The following EPHA6 variants were observed in gnomAD, a reference collection of about 807,000 sequenced individuals.
EPHA6 encodes the protein ephrin type-A receptor 6.
Under a neutral mutation model 112.0 loss-of-function variants are expected in EPHA6, and 50 were observed. That is an observed-to-expected ratio of 0.45 (90% confidence interval 0.36 to 0.56). EPHA6 has a LOEUF of 0.56. Among genes scored for constraint, EPHA6 ranks in the 20% least tolerant of loss-of-function variants. EPHA6 has a pLI of 0.00. For missense variants in EPHA6, 1,280 were observed against 1,417.4 expected, an observed-to-expected ratio of 0.90 and a Z score of 1.56; for synonymous variants, 529 against 490.7, an observed-to-expected ratio of 1.08 and a Z score of -1.03.
intron 5 of EPHA6, among the ~76,000 whole-genome samples, chr3:97,296,191 A>G (rs1440628068): frequency 6.6e-6 from 1 of 152,098 alleles, no homozygotes; most frequent in Non-Finnish European, 1.5e-5. Flanking sequence ...GCCGGTCCCC[A>G]GACCCCCAGG....
intron 14 of EPHA6, among the ~76,000 whole-genome samples, chr3:97,719,995 T>C (rs2034453930): frequency 6.6e-6 from 1 of 152,208 alleles, no homozygotes; most frequent in Non-Finnish European, 1.5e-5. Flanking sequence ...TGTGTGAATC[T>C]AAAGTAAAAA....
At chr3:96,996,441 A>G (rs544156644) in intron 3 of EPHA6, among the ~76,000 whole-genome samples, 29 of 152,094 alleles carry the variant, frequency 1.9e-4, no homozygotes, top group Non-Finnish European at 4.0e-4. Flanking sequence ...TGGAGGAATC[A>G]CTATGGCAGC....
Position 97,641,232 on chromosome 3 carries a change from C to T in EPHA6, c.2784+3150C>T, listed in dbSNP as rs1294665182. Among the ~76,000 whole-genome samples the T allele has an allele frequency of 2.6e-5, 4 of 152,140 alleles. No individual in the cohort carries two copies. In the East Asian group the frequency reaches 7.7e-4, roughly 29 times the overall value. ...CAAAGGCAAGATAATGCCAAATGAT[C>T]ATTGGCATTCTGTCAAAACTTTGTT... On this transcript the variant is annotated intron_variant, in intron 14 of 17. Coordinates refer to ENST00000389672, the MANE Select transcript of EPHA6 (RefSeq NM_001080448.3).
At chr3:97,267,885 G>A (rs2079739848) in intron 5 of EPHA6, among the ~76,000 whole-genome samples, 1 of 152,064 alleles carries the variant, frequency 6.6e-6, no homozygotes, top group Non-Finnish European at 1.5e-5. Context: ...ATAAAGATGA[G>A]TAACCTTCTA....
intron 2 of EPHA6, among the ~76,000 whole-genome samples, chr3:96,950,819 C>T (rs887775957): frequency 1.3e-5 from 2 of 151,934 alleles, no homozygotes; most frequent in Non-Finnish European, 2.9e-5. Flanking sequence ...CAGTTTTTTA[C>T]TAGTGTCTAT....
chr3:97,065,184 A>C (rs1385418503), intron 3 of EPHA6, among the ~76,000 whole-genome samples: 2 of 152,176 alleles, frequency 1.3e-5, no homozygotes, highest in African/African-American at 4.8e-5. Flanking sequence ...TCATAAAGCT[A>C]TAAAATTATT....
chr3:97,265,366 C>T (rs2079640134), intron 5 of EPHA6, among the ~76,000 whole-genome samples: 1 of 152,174 alleles, frequency 6.6e-6, no homozygotes, highest in Admixed American at 6.5e-5. Flanking sequence ...GCTGCTGTCA[C>T]CACCCCCAAC....
At chr3:97,316,472 G>A (rs906715321) in intron 5 of EPHA6, among the ~76,000 whole-genome samples, 4 of 151,966 alleles carry the variant, frequency 2.6e-5, no homozygotes, top group African/African-American at 9.6e-5. Context: ...CATCTTTCCA[G>A]GGATTGCTGC....
In EPHA6 at chr3:97,417,547, C is replaced by T. The variant is rs545892298; in HGVS notation, c.1731+12273C>T. Among the ~76,000 whole-genome samples the T allele has an allele frequency of 8.6e-5, 13 of 151,998 alleles. No individual in the cohort carries two copies. The South Asian group carries it at 2.7e-3, about 32-fold the overall frequency. On this transcript the variant is annotated intron_variant, in intron 6 of 17. Transcript: ENST00000389672. ...AGTAGGTAGGTATGTGTAAAGCATACTCTTGATGGTAATTTTGTTTTTACA... is the reference window on the plus strand; with the variant it reads ...AGTAGGTAGGTATGTGTAAAGCATATTCTTGATGGTAATTTTGTTTTTACA...
chr3:96,993,803 A>G (rs573212129), intron 3 of EPHA6, among the ~76,000 whole-genome samples: 30 of 152,262 alleles, frequency 2.0e-4, no homozygotes, highest in African/African-American at 6.7e-4. Flanking sequence ...TTGCTTTTAG[A>G]GATGATAAAC....
rs149991542 is a variant in EPHA6 at position 97,534,172 on chromosome 3, G to A, written c.2386+1629G>A. 2.1e-3 allele frequency among the ~76,000 whole-genome samples: 321 copies of A among 152,218 alleles called. 2 individuals carry two copies. Among genetic ancestry groups the A allele is most frequent in the African/African-American group, 7.3e-3 (302 of 41,548 alleles). Reference sequence around the variant, plus strand: ...ATCTGTAAAATGGGACAGGAATGCTGTAAGAATTAAATTTGTCAATGTGTA... The same window carrying A: ...ATCTGTAAAATGGGACAGGAATGCTATAAGAATTAAATTTGTCAATGTGTA... On this transcript the variant is annotated intron_variant, in intron 11 of 17. Transcript: ENST00000389672.
At chr3:97,291,713 T>C (rs944309380) in intron 5 of EPHA6, among the ~76,000 whole-genome samples, 2 of 152,232 alleles carry the variant, frequency 1.3e-5, no homozygotes, top group Non-Finnish European at 2.9e-5. Context: ...TGGGTACATA[T>C]ATATTTAGAA....
chr3:97,090,659 A>G (rs2047035919), intron 3 of EPHA6, among the ~76,000 whole-genome samples: 1 of 152,096 alleles, frequency 6.6e-6, no homozygotes, highest in African/African-American at 2.4e-5. Flanking sequence ...GTTCTTTTTG[A>G]TATAGTACAT....
intron 10 of EPHA6, among the ~76,000 whole-genome samples, chr3:97,527,367 A>G (rs990339974): frequency 2.0e-5 from 3 of 152,046 alleles, no homozygotes; most frequent in Non-Finnish European, 4.4e-5. Flanking sequence ...TCATACCCCA[A>G]TCCAAGGGCT....
At chr3:97,482,145 A>C (rs572846292) in intron 9 of EPHA6, among the ~76,000 whole-genome samples, 1 of 152,340 alleles carries the variant, frequency 6.6e-6, no homozygotes, top group East Asian at 1.9e-4. Context: ...ATAAGAAAAA[A>C]ATGTGATATT....
At chr3:97,656,724 T>A (rs1313857329) in intron 14 of EPHA6, among the ~76,000 whole-genome samples, 1 of 151,922 alleles carries the variant, frequency 6.6e-6, no homozygotes, top group East Asian at 1.9e-4. Flanking sequence ...ACTGAAAAAA[T>A]GACTGCAAAG....
At chr3:97,195,340 A>G (rs2077412470) in intron 3 of EPHA6, among the ~76,000 whole-genome samples, 2 of 151,980 alleles carry the variant, frequency 1.3e-5, no homozygotes, top group African/African-American at 2.4e-5. Context: ...ATTTTTTGCA[A>G]AAACAAGCAA....
intron 12 of EPHA6, among the ~76,000 whole-genome samples, chr3:97,594,645 G>A (rs989285261): frequency 5.9e-5 from 9 of 152,012 alleles, no homozygotes; most frequent in South Asian, 2.1e-4. Flanking sequence ...TATTTCCCAA[G>A]ATTTTTTTTA....
At chr3:97,708,040 G>A (rs2033773858) in intron 14 of EPHA6, among the ~76,000 whole-genome samples, 1 of 152,140 alleles carries the variant, frequency 6.6e-6, no homozygotes. Context: ...CCAAGAGTGG[G>A]GTACTGCTAT....
Sources: gnomAD v4.1 joint callset for allele counts (sites outside exome capture counted in the v4.1 genomes callset) on GRCh38, gnomAD v4.1.1 for gene constraint, MANE v1.5 for transcripts, NCBI Gene and HGNC (gene_info 2026-07-23, HGNC 2026-07-21) for gene names.